EMB: variants seen among roughly 807,000 people sequenced by gnomAD.
The protein encoded by EMB is embigin homolog.
Under a neutral mutation model 41.4 loss-of-function variants are expected in EMB, and 31 were observed. The ratio of observed to expected loss-of-function variants is 0.75; its 90% CI spans 0.56 to 1.01. The LOEUF is 1.01. Ranked by LOEUF, EMB falls within the 50% of genes least tolerant of loss-of-function variation. EMB has a pLI of 0.00. For synonymous variants in EMB, 137 were observed against 140.4 expected (o/e 0.98, Z 0.17); for missense variants, 379 against 388.3 (o/e 0.98, Z 0.20).
intron 5 of EMB, 130 bp from the exon 6 acceptor site, chr5:50,403,584 T>C (rs1561130815): frequency 3.0e-6 from 3 of 1,007,366 alleles, no homozygotes; most frequent in Non-Finnish European, 2.9e-6. Context: ...TTAAAGTTTG[T>C]GAGAGGTTAT....
At chr5:50,403,504 T>C (rs756129459) in intron 5 of EMB, 50 bp from the exon 6 acceptor site, 11 of 1,570,190 alleles carry the variant, frequency 7.0e-6, no homozygotes, top group African/African-American at 4.1e-5. Context: ...ACATAAAAGA[T>C]ACATGACATA....
At chr5:50,413,043 T>C (rs1273116140) in intron 2 of EMB, among the ~76,000 whole-genome samples, 1 of 151,554 alleles carries the variant, frequency 6.6e-6, no homozygotes, top group Non-Finnish European at 1.5e-5. Context: ...TATCCAACAA[T>C]ACACACATAC....
chr5:50,418,244 T>C (rs1341068627), intron 2 of EMB, among the ~76,000 whole-genome samples: 3 of 152,244 alleles, frequency 2.0e-5, no homozygotes, highest in Admixed American at 2.0e-4. Flanking sequence ...CCAAATACAT[T>C]TGTTGCCACT....
At chr5:50,432,501 C>T (rs1258457071) in intron 1 of EMB, among the ~76,000 whole-genome samples, 2 of 151,672 alleles carry the variant, frequency 1.3e-5, no homozygotes, top group Non-Finnish European at 1.5e-5. Flanking sequence ...TATATATAAC[C>T]ATGTGATCCC....
chr5:50,419,435 A>C (rs1745479850), intron 2 of EMB, among the ~76,000 whole-genome samples: 1 of 152,130 alleles, frequency 6.6e-6, no homozygotes, highest in African/African-American at 2.4e-5. Flanking sequence ...GAACCATTTA[A>C]ATTTTGAAAT....
At chr5:50,436,958 A>T (rs1026839807) in intron 1 of EMB, among the ~76,000 whole-genome samples, 1 of 152,214 alleles carries the variant, frequency 6.6e-6, no homozygotes, top group Non-Finnish European at 1.5e-5. Context: ...ATGGTCATGC[A>T]TCAGAAACAT....
intron 1 of EMB, among the ~76,000 whole-genome samples, chr5:50,440,594 G>A (rs1316355607): frequency 4.6e-5 from 7 of 150,848 alleles, no homozygotes; most frequent in African/African-American, 1.7e-4. Flanking sequence ...CAAGAGGAGG[G>A]AAGGAGGTGA....
rs1435716956 is a variant in EMB, at chr5:50,397,125, C to A, written c.*2148G>T. 6.6e-6 allele frequency: 1 copy of A among 152,080 alleles called. No homozygotes were observed. Among genetic ancestry groups the A allele is most frequent in the Non-Finnish European group, 1.5e-5 (1 of 68,022 alleles). The allele number at this position is 152,080 out of a possible 1,614,324, so 9.4% of individuals were successfully genotyped here. On this transcript the variant is annotated 3_prime_UTR_variant, in exon 9 of 9. Coordinates refer to ENST00000303221, the MANE Select transcript of EMB (RefSeq NM_198449.3). The stretch of plus-strand genomic sequence containing the variant: ...TTCCCCAAGGTGCCTAATATATAAA[C>A]TTGGAGTAGTTTTCCTACTTCAACT...
chr5:50,416,789 T>G (rs1745437324), intron 2 of EMB, among the ~76,000 whole-genome samples: 1 of 152,054 alleles, frequency 6.6e-6, no homozygotes, highest in African/African-American at 2.4e-5. Context: ...AAAGATCCTC[T>G]CCGTAAGACA....
intron 2 of EMB, 42 bp downstream of exon 2, chr5:50,428,102 C>G (rs754854077): frequency 2.8e-6 from 4 of 1,440,278 alleles, no homozygotes; most frequent in African/African-American, 2.8e-5. Context: ...TTGCTTAAAC[C>G]CTTTTTTTCG....
At chr5:50,419,422 C>T (rs2111820155) in intron 2 of EMB, among the ~76,000 whole-genome samples, 1 of 152,182 alleles carries the variant, frequency 6.6e-6, no homozygotes, top group East Asian at 1.9e-4. Flanking sequence ...TTCCCCAGTA[C>T]AAGAACCATT....
chr5:50,443,188 A>G (rs952057769), upstream of EMB: 1 of 151,948 alleles, frequency 6.6e-6, no homozygotes, highest in African/African-American at 2.4e-5. Flanking sequence ...TCCCTGATTC[A>G]CCTTTCAAAA....
intron 7 of EMB, among the ~76,000 whole-genome samples, chr5:50,401,480 C>A (rs1253437336): frequency 6.6e-6 from 1 of 151,986 alleles, no homozygotes; most frequent in Admixed American, 6.6e-5. Context: ...CAACTTTAAT[C>A]TAGCCTCGTT....
rs1745105139 is a variant in EMB at position 50,398,380 on chromosome 5, C to T, written c.*893G>A. On this transcript the variant is annotated 3_prime_UTR_variant, in exon 9 of 9. Transcript: ENST00000303221. ...AGTCAAGGGAATTATTATTGTAAAGCACTAATAATGCAGGTTTAGATATTT... is the reference window on the plus strand; with the variant it reads ...AGTCAAGGGAATTATTATTGTAAAGTACTAATAATGCAGGTTTAGATATTT... The T allele has an allele frequency of 6.6e-6, 1 of 151,794 alleles. No homozygotes were observed. The allele number at this position is 151,794 out of a possible 1,614,324, so 9.4% of individuals were successfully genotyped here.
chr5:50,433,238 G>GTT (rs796409786), intron 1 of EMB, among the ~76,000 whole-genome samples: 5 of 147,918 alleles, frequency 3.4e-5, no homozygotes, highest in African/African-American at 9.9e-5. Context: ...TACAGACAAG[G>GTT]TTTTTTTTTT....
chr5:50,442,183 G>T (rs1255434087), upstream of EMB, among the ~76,000 whole-genome samples: 4 of 150,726 alleles, frequency 2.7e-5, no homozygotes, highest in Admixed American at 2.6e-4. Flanking sequence ...TTTCACATTC[G>T]TAAATTCAAA....
Position 50,399,029 on chromosome 5 carries a change from T to C in EMB, c.*244A>G. On this transcript the variant is annotated 3_prime_UTR_variant, in exon 9 of 9. Transcript: ENST00000303221. Reference sequence around the variant, plus strand: ...GTGTCCTTTGAAGACCAGAATATAATTAATTTTATTCTGGTCTAACATATT... The same window carrying C: ...GTGTCCTTTGAAGACCAGAATATAACTAATTTTATTCTGGTCTAACATATT... 2 of 367,566 alleles carry C rather than the reference T, an allele frequency of 5.4e-6. 1 individual carries two copies. Among genetic ancestry groups the C allele is most frequent in the Non-Finnish European group, 9.8e-6 (2 of 204,974 alleles). 22.8% of individuals were successfully genotyped at this position (367,566 alleles called of 1,614,324 possible).
chr5:50,426,709 G>A (rs1397714378), intron 2 of EMB, among the ~76,000 whole-genome samples: 2 of 151,838 alleles, frequency 1.3e-5, no homozygotes, highest in African/African-American at 4.8e-5. Flanking sequence ...AATGAATAAT[G>A]ATAAAATCAA....
chr5:50,426,399 T>G (rs1745611074), intron 2 of EMB, among the ~76,000 whole-genome samples: 2 of 152,224 alleles, frequency 1.3e-5, no homozygotes. Context: ...TGTTAATAAT[T>G]AGCAATATTT....
Sources: allele counts gnomAD v4.1 joint callset (sites outside exome capture counted in the v4.1 genomes callset), GRCh38; gene constraint gnomAD v4.1.1; transcripts MANE v1.5; gene names NCBI Gene and HGNC (gene_info 2026-07-23, HGNC 2026-07-21).